The following UGT2B10 variants were observed in gnomAD, a reference collection of about 807,000 sequenced individuals.
UGT2B10 encodes UDP-glucuronosyltransferase 2B10.
In UGT2B10, 51 loss-of-function variants were observed where a neutral mutation model predicts 43.7. The ratio of observed to expected loss-of-function variants is 1.17; its 90% CI spans 0.93 to 1.47. The LOEUF is 1.47. Ranked by LOEUF, UGT2B10 falls within the 40% of genes most tolerant of loss-of-function variation. The pLI is 0.00. For missense variants in UGT2B10, 696 were observed against 617.7 expected (o/e 1.13, Z -1.34); for synonymous variants, 225 against 209.0 (o/e 1.08, Z -0.66).
At chr4:68,816,836 G>A in intron 1 of UGT2B10, 99 bp downstream of exon 1, 4 of 1,041,892 alleles carry the variant, frequency 3.8e-6, no homozygotes, top group Non-Finnish European at 5.5e-6. Context: ...TGGAGTTTTT[G>A]GTAAATGAAT....
Position 68,826,612 on chromosome 4 carries a change from C to A in UGT2B10, c.1087+115C>A, listed in dbSNP as rs1020166019. On this transcript the variant is annotated intron_variant, in intron 4 of 5. Coordinates refer to ENST00000265403, the MANE Select transcript of UGT2B10 (RefSeq NM_001075.6). Reference sequence around the variant, plus strand: ...GTTATAGGAAAACAAAAAAGAACTTCTTTATATTTATTTTCCAGTCCTAGG... The same window carrying A: ...GTTATAGGAAAACAAAAAAGAACTTATTTATATTTATTTTCCAGTCCTAGG... 1.9e-5 allele frequency: 24 copies of A among 1,271,682 alleles called. No individual in the cohort carries two copies. The African/African-American group carries it at 2.5e-4, about 13-fold the overall frequency. 78.8% of individuals were successfully genotyped at this position (1,271,682 alleles called of 1,614,324 possible). A position where few individuals can be genotyped will look rare whatever the true frequency, so the allele number is the denominator to read the frequency against.
In UGT2B10 at chr4:68,816,703, G is replaced by A. The variant is rs747077088; in HGVS notation, c.684G>A (p.Met228Ile). The A allele has an allele frequency of 2.5e-6, 4 of 1,610,004 alleles. No individual in the cohort carries two copies. The highest frequency in any genetic ancestry group is 3.4e-5 in the Admixed American group (2 of 59,514). The change falls in exon 1 of 6, where the codon ATG (methionine) becomes ATA (isoleucine). Residue 228 changes from methionine to isoleucine, a missense_variant. Coordinates refer to ENST00000265403, the MANE Select transcript of UGT2B10 (RefSeq NM_001075.6). Reference protein sequence around the residue: ...YFDFWFQIFNMKKWDQFYSEV... With the variant: ...YFDFWFQIFNIKKWDQFYSEV... ...ACTTTTGGTTCCAAATATTTAATAT[G>A]AAGAAGTGGGATCAGTTTTACAGTG...
chr4:68,827,364 G>T lies in UGT2B10; in HGVS notation c.1123G>T (p.Gly375Ter). ...PKTRAFITHGGANGIYEAIYH... is the reference protein window; with the variant it reads ...PKTRAFITHG ...AACCAGAGCTTTTATAACTCATGGT[G>T]GAGCCAATGGCATCTATGAGGCAAT... The change falls in exon 5 of 6, where the codon GGA becomes TGA. Residue 375 changes from glycine (G) to a stop codon, truncating the protein, a stop_gained. Coordinates refer to ENST00000265403, the MANE Select transcript of UGT2B10 (RefSeq NM_001075.6). LOFTEE classifies it high-confidence loss of function. 6.2e-7 allele frequency: 1 copy of T among 1,613,324 alleles called. No homozygotes were observed. The highest frequency in any genetic ancestry group is 8.5e-7 in the Non-Finnish European group (1 of 1,179,502).
chr4:68,820,064 C>T (rs1737416641), intron 2 of UGT2B10, among the ~76,000 whole-genome samples: 1 of 151,892 alleles, frequency 6.6e-6, no homozygotes, highest in African/African-American at 2.4e-5. Context: ...GCCACTCTAC[C>T]CTACTCTTGA....
intron 2 of UGT2B10, among the ~76,000 whole-genome samples, chr4:68,820,887 A>G (rs1200173671): frequency 6.6e-6 from 1 of 152,124 alleles, no homozygotes; most frequent in Non-Finnish European, 1.5e-5. Context: ...ACAAAAGGAG[A>G]AACAACCAGT....
In UGT2B10 at chr4:68,816,671, T is replaced by C; in HGVS notation, c.652T>C (p.Tyr218His). ...ERVKNMLYVL[Y>H]FDFWFQIFNM... ...GGTAAAAAATATGCTCTATGTGCTT[T>C]ATTTTGACTTTTGGTTCCAAATATT... is the stretch of plus-strand genomic sequence containing the variant. Residue 218 changes from tyrosine (Y) to histidine (H), a missense_variant, in exon 1 of 6, where the codon TAT (tyrosine) becomes CAT (histidine). Tyr to His is a moderately conservative substitution (Grantham distance 83). Coordinates refer to ENST00000265403, the MANE Select transcript of UGT2B10 (RefSeq NM_001075.6). 1 of 1,612,104 alleles carries C rather than the reference T, an allele frequency of 6.2e-7. No individual in the cohort carries two copies. Among genetic ancestry groups the C allele is most frequent in the Non-Finnish European group, 8.5e-7 (1 of 1,178,930 alleles).
At chr4:68,819,634 C>T (rs1359885877) in intron 2 of UGT2B10, among the ~76,000 whole-genome samples, 1 of 151,902 alleles carries the variant, frequency 6.6e-6, no homozygotes, top group Admixed American at 6.6e-5. Flanking sequence ...ACAGGCCACT[C>T]AATAAAGCTT....
chr4:68,829,754 C>T (rs1168620619), intron 5 of UGT2B10, among the ~76,000 whole-genome samples: 1 of 151,964 alleles, frequency 6.6e-6, no homozygotes, highest in Non-Finnish European at 1.5e-5. Flanking sequence ...CCTTTGGAAG[C>T]TTAAAGAAAA....
At chr4:68,818,000 C>A (rs749635421) in intron 1 of UGT2B10, 29 bp from the exon 2 acceptor site, 11 of 1,592,280 alleles carry the variant, frequency 6.9e-6, no homozygotes, top group African/African-American at 4.1e-5. Context: ...CTTATGTCAT[C>A]CACTTCTTCT....
rs569697792 is a variant in UGT2B10 at position 68,818,243 on chromosome 4, T to A, written c.867+66T>A. The A allele has an allele frequency of 1.3e-4, 199 of 1,583,918 alleles. 2 individuals are homozygous for A. In the South Asian group the frequency reaches 2.0e-3, roughly 16 times the overall value. ...TTTCAGTAGAAATGACTGTATAGTCTTCATTCAGAGTGTTTGACTAACACT... is the reference window on the plus strand; with the variant it reads ...TTTCAGTAGAAATGACTGTATAGTCATCATTCAGAGTGTTTGACTAACACT... On this transcript the variant is annotated intron_variant, in intron 2 of 5. Coordinates refer to ENST00000265403, the MANE Select transcript of UGT2B10 (RefSeq NM_001075.6).
At chr4:68,821,681 A>G (rs796760616) in intron 2 of UGT2B10, among the ~76,000 whole-genome samples, 23 of 152,226 alleles carry the variant, frequency 1.5e-4, no homozygotes, top group African/African-American at 4.3e-4. Context: ...TTATTTTTTG[A>G]AAAACTACTG....
chr4:68,819,582 G>A (rs375532867), intron 2 of UGT2B10, among the ~76,000 whole-genome samples: 2 of 151,870 alleles, frequency 1.3e-5, no homozygotes, highest in East Asian at 3.9e-4. Context: ...ACATTTTAGA[G>A]CATAAACATA....
Position 68,816,421 on chromosome 4 carries a change from A to G in UGT2B10, c.402A>G (p.Lys134=), listed in dbSNP as rs1737208880. Reference sequence around the variant, plus strand: ...GTAAAGATGTAGTTTCAAATAAGAAACTTATGAAAAAACTACAAGAGTCAA... The same window carrying G: ...GTAAAGATGTAGTTTCAAATAAGAAGCTTATGAAAAAACTACAAGAGTCAA... ...NFCKDVVSNK[K]LMKKLQESRF... The change falls in exon 1 of 6, where the codon AAA becomes AAG. Residue 134 remains lysine, a synonymous_variant. Transcript: ENST00000265403. The G allele has an allele frequency of 6.2e-7, 1 of 1,612,932 alleles. No homozygotes were observed.
intron 2 of UGT2B10, among the ~76,000 whole-genome samples, chr4:68,819,552 C>T (rs1338238651): frequency 6.6e-6 from 1 of 151,960 alleles, no homozygotes; most frequent in Non-Finnish European, 1.5e-5. Flanking sequence ...AATCATTCTG[C>T]ATTGAGATCC....
At chr4:68,829,797 T>C (rs185461307) in intron 5 of UGT2B10, among the ~76,000 whole-genome samples, 1 of 152,070 alleles carries the variant, frequency 6.6e-6, no homozygotes, top group Non-Finnish European at 1.5e-5. Context: ...AGTGTGCAGG[T>C]AAAAGTGTTA....
chr4:68,816,458 G>T lies in UGT2B10; in HGVS notation c.439G>T (p.Val147Phe). 1 of 1,613,206 alleles carries T rather than the reference G, an allele frequency of 6.2e-7. No homozygotes were observed. The highest frequency in any genetic ancestry group is 8.5e-7 in the Non-Finnish European group (1 of 1,179,458). ...KKLQESRFDI[V>F]FADAYLPCGE... The stretch of plus-strand genomic sequence containing the variant: ...ACTACAAGAGTCAAGATTTGACATC[G>T]TTTTTGCAGATGCTTATTTACCCTG... Residue 147 changes from valine (V) to phenylalanine (F), a missense_variant, in exon 1 of 6, where the codon GTT becomes TTT. Coordinates refer to ENST00000265403, the MANE Select transcript of UGT2B10 (RefSeq NM_001075.6).
In UGT2B10 at chr4:68,816,194, G is replaced by C. The variant is rs1374046959; in HGVS notation, c.175G>C (p.Ala59Pro). The C allele has an allele frequency of 6.2e-7, 1 of 1,613,236 alleles. No homozygotes were observed. The highest frequency in any genetic ancestry group is 1.1e-5 in the South Asian group (1 of 91,060). ...GHEVTVLASS[A>P]SILFDPNDSS... The stretch of plus-strand genomic sequence containing the variant: ...TGAGGTGACTGTACTGGCATCTTCA[G>C]CTTCCATTCTTTTTGATCCCAACGA... The change falls in exon 1 of 6, where the codon GCT (alanine) becomes CCT (proline). Residue 59 changes from alanine to proline, a missense_variant. Coordinates refer to ENST00000265403, the MANE Select transcript of UGT2B10 (RefSeq NM_001075.6).
Position 68,830,864 on chromosome 4 carries a change from G to C in UGT2B10, c.1572G>C (p.Lys524Asn), listed in dbSNP as rs17146903. 2 of 1,609,976 alleles carry C rather than the reference G, an allele frequency of 1.2e-6. No individual in the cohort carries two copies. The highest frequency in any genetic ancestry group is 2.2e-5 in the East Asian group (1 of 44,746). The change falls in exon 6 of 6, where the codon AAG (lysine) becomes AAC (asparagine). Residue 524 changes from lysine to asparagine, a missense_variant. Transcript: ENST00000265403. ...GGAAGTTTGCTAGAAAAGGAAAGAA[G>C]GGAAAAAGGGATTAGTTATATCTGA... ...CFWKFARKGK[K>N]GKRD
In UGT2B10 at chr4:68,816,336, TA is replaced by T. The variant is rs1471545199; in HGVS notation, c.318del (p.Leu106PhefsTer16). 6.2e-7 allele frequency: 1 copy of T among 1,613,158 alleles called. No individual in the cohort carries two copies. The highest frequency in any genetic ancestry group is 2.2e-5 in the East Asian group (1 of 44,792). ...LSEIQKDTFW[L>X]PFSQEQEILW... The stretch of plus-strand genomic sequence containing the variant: ...GAAATTCAAAAAGATACATTTTGGT[TA>T]CCTTTTTCACAAGAACAAGAAATCC... On this transcript the variant is annotated frameshift_variant, in exon 1 of 6. Transcript: ENST00000265403. LOFTEE classifies it high-confidence loss of function.
Sources: gnomAD v4.1 joint callset for allele counts (sites outside exome capture counted in the v4.1 genomes callset) on GRCh38, gnomAD v4.1.1 for gene constraint, MANE v1.5 for transcripts, NCBI Gene and HGNC (gene_info 2026-07-23, HGNC 2026-07-21) for gene names.